ACAP3: variants seen among roughly 807,000 people sequenced by gnomAD.
ACAP3 encodes the protein arf-GAP with coiled-coil, ANK repeat and PH domain-containing protein 3.
In ACAP3, 56 loss-of-function variants were observed where a neutral mutation model predicts 104.1. That is an observed-to-expected ratio of 0.54 (90% CI 0.43 to 0.67). The LOEUF is 0.67. Among genes scored for constraint, ACAP3 ranks in the 30% least tolerant of loss-of-function variants. ACAP3 has a pLI of 0.00. For synonymous variants in ACAP3, 628 were observed against 496.2 expected (o/e 1.27, Z -3.53); for missense variants, 1,208 against 1,174.9 (o/e 1.03, Z -0.41).
At chr1:1,301,189 G>A (rs2100457462) in intron 5 of ACAP3, among the ~76,000 whole-genome samples, 1 of 151,192 alleles carries the variant, frequency 6.6e-6, no homozygotes. Flanking sequence ...TCCCACCTCG[G>A]CCTCCCAAGT....
chr1:1,306,753 G>T (rs1476967204), intron 1 of ACAP3, among the ~76,000 whole-genome samples: 2 of 152,222 alleles, frequency 1.3e-5, no homozygotes, highest in Non-Finnish European at 2.9e-5. Flanking sequence ...ACACATACAT[G>T]TGTGTTCAAG....
chr1:1,301,947 G>A lies in ACAP3; in HGVS notation c.338+41C>T, dbSNP rs367746560. The A allele has an allele frequency of 1.9e-4, 291 of 1,515,328 alleles. 1 individual carries two copies. The highest frequency in any genetic ancestry group is 1.1e-3 in the South Asian group (86 of 80,074). 93.9% of individuals were successfully genotyped at this position (1,515,328 alleles called of 1,614,324 possible). On this transcript the variant is annotated intron_variant, in intron 5 of 23. Coordinates refer to ENST00000354700, the MANE Select transcript of ACAP3 (RefSeq NM_030649.3). ...CCCCTTCCCCTCCAAGGGAGGGAGC[G>A]TGGCCTCAGTGTTCTTCCCCCAGCC...
intron 19 of ACAP3, 38 bp from the exon 20 acceptor site, chr1:1,294,854 G>T: frequency 6.5e-7 from 1 of 1,542,440 alleles, no homozygotes; most frequent in Non-Finnish European, 8.8e-7. Context: ...GAGGGTGGGA[G>T]GCCCAGACTC....
rs1468000364 is a variant in ACAP3, at chr1:1,296,421, C to A, written c.1337+4G>T. 1 of 1,545,902 alleles carries A rather than the reference C, an allele frequency of 6.5e-7. No homozygotes were observed. The highest frequency in any genetic ancestry group is 2.0e-5 in the Admixed American group (1 of 50,996). On this transcript the variant is annotated splice_donor_region_variant and intron_variant, in intron 15 of 23. Coordinates refer to ENST00000354700, the MANE Select transcript of ACAP3 (RefSeq NM_030649.3). ...CACCCCCAGCCTGGCCCTCAGGGGCCCACCTGTGGATGCCGGAGCACTCAA... is the reference window on the plus strand; with the variant it reads ...CACCCCCAGCCTGGCCCTCAGGGGCACACCTGTGGATGCCGGAGCACTCAA...
intron 1 of ACAP3, among the ~76,000 whole-genome samples, chr1:1,306,808 AAC>A (rs1426828624): frequency 1.3e-5 from 2 of 152,270 alleles, no homozygotes; most frequent in Non-Finnish European, 2.9e-5. Flanking sequence ...CTAGTGATGG[AAC>A]ACGCGTGTAC....
chr1:1,294,296 G>A (rs1008552775), intron 21 of ACAP3, 97 bp from the exon 22 acceptor site: 117 of 1,509,736 alleles, frequency 7.7e-5, no homozygotes, highest in Admixed American at 2.1e-5. Context: ...AGCCGGGACC[G>A]AACGTGGTCC....
Position 1,296,246 on chromosome 1 carries a change from G to T in ACAP3, c.1372C>A (p.Leu458Met). 1 of 1,563,430 alleles carries T rather than the reference G, an allele frequency of 6.4e-7. No homozygotes were observed. ...TCAGGCTCCCACGAGTCCAGCGTCAGGGACCGCACCTTGGAGCAGTGGACA... is the reference window on the plus strand; with the variant it reads ...TCAGGCTCCCACGAGTCCAGCGTCATGGACCGCACCTTGGAGCAGTGGACA... The part of the protein sequence containing the change: ...LGVHCSKVRS[L>M]TLDSWEPELL... Residue 458 changes from leucine (L) to methionine (M), a missense_variant, in exon 16 of 24, where the codon CTG becomes ATG. By Grantham distance (15) the Leu-to-Met change is conservative. Transcript: ENST00000354700.
chr1:1,299,816 G>A lies in ACAP3; in HGVS notation c.738+15C>T, dbSNP rs1641365597. ...CAGGCGCCTGGTGTGCAGGGAGCCG[G>A]CTGCGCGGCCTCACCCGCTGCTGGA... is the stretch of plus-strand genomic sequence containing the variant. On this transcript the variant is annotated intron_variant, in intron 9 of 23. Coordinates refer to ENST00000354700, the MANE Select transcript of ACAP3 (RefSeq NM_030649.3). 6.5e-7 allele frequency: 1 copy of A among 1,540,874 alleles called. No individual in the cohort carries two copies. Among genetic ancestry groups the A allele is most frequent in the South Asian group, 1.2e-5 (1 of 83,608 alleles).
chr1:1,307,465 C>A, intron 1 of ACAP3: 1 of 1,291,864 alleles, frequency 7.7e-7, no homozygotes, highest in Non-Finnish European at 1.0e-6. Flanking sequence ...GACTGCAGGG[C>A]CCGGGAGGGG....
At position 1,294,784 on chromosome 1, in the gene ACAP3, A is replaced by T. The variant is rs1319054059; in HGVS notation, c.1846T>A (p.Ser616Thr). ...GCCAGGACGTCCGAGCTGCCATCCG[A>T]GCTGCCCCCAAGGCCACTGTCGCTA... ...LSSDSGLGGSSDGSSDVLAFG... is the reference protein window; with the variant it reads ...LSSDSGLGGSTDGSSDVLAFG... Residue 616 changes from serine (S) to threonine (T), a missense_variant, in exon 20 of 24, where the codon TCG (serine) becomes ACG (threonine). Coordinates refer to ENST00000354700, the MANE Select transcript of ACAP3 (RefSeq NM_030649.3). The T allele has an allele frequency of 1.3e-6, 2 of 1,549,782 alleles. No homozygotes were observed. Among genetic ancestry groups the T allele is most frequent in the East Asian group, 4.9e-5 (2 of 40,882 alleles).
Position 1,298,040 on chromosome 1 carries a change from A to T in ACAP3, c.989T>A (p.Phe330Tyr), listed in dbSNP as rs772053984. Reference sequence around the variant, plus strand: ...GGTGGGTGACAGCACCTCGAAGCAGAACCTCCGCTCGATGTCCTCACACGG... The same window carrying T: ...GGTGGGTGACAGCACCTCGAAGCAGTACCTCCGCTCGATGTCCTCACACGG... ...VKPCEDIERR[F>Y]CFEVLSPTKS... The change falls in exon 13 of 24, where the codon TTC becomes TAC. Residue 330 changes from phenylalanine (F) to tyrosine (Y), a missense_variant. By Grantham distance (22) the Phe-to-Tyr change is conservative. Coordinates refer to ENST00000354700, the MANE Select transcript of ACAP3 (RefSeq NM_030649.3). 2 of 1,611,792 alleles carry T rather than the reference A, an allele frequency of 1.2e-6. No individual in the cohort carries two copies. The highest frequency in any genetic ancestry group is 3.3e-5 in the Admixed American group (2 of 59,940).
intron 19 of ACAP3, chr1:1,295,091 T>G (rs1283256672): frequency 1.1e-5 from 6 of 556,480 alleles, no homozygotes; most frequent in Non-Finnish European, 1.9e-5. Context: ...CCCCCCGCAG[T>G]GGGCCCCCCA....
chr1:1,301,426 ATTTT>A (rs70949569), intron 5 of ACAP3: 5 of 109,990 alleles, frequency 4.5e-5, no homozygotes, highest in African/African-American at 7.6e-5. Context: ...TGCCCATCTA[ATTTT>A]TTTTTTTTTT....
rs1641559898 is a variant in ACAP3 at position 1,303,809 on chromosome 1, G to C, written c.105+277C>G. ...CACAGCAGCTGTCCCCGTGTCACCA[G>C]CCCAGCAGAGGGGACGGGCAGCCAC... is the stretch of plus-strand genomic sequence containing the variant. On this transcript the variant is annotated intron_variant, in intron 2 of 23. Coordinates refer to ENST00000354700, the MANE Select transcript of ACAP3 (RefSeq NM_030649.3). This position sits in a 1 kb window ranked among gnomAD's most constrained non-coding sequence, Gnocchi z 4.0. 2 of 543,122 alleles carry C rather than the reference G, an allele frequency of 3.7e-6. No individual in the cohort carries two copies. Among genetic ancestry groups the C allele is most frequent in the Non-Finnish European group, 6.6e-6 (2 of 303,220 alleles). 33.6% of individuals were successfully genotyped at this position (543,122 alleles called of 1,614,324 possible).
intron 5 of ACAP3, chr1:1,301,765 G>A (rs1025241717): frequency 2.7e-5 from 11 of 402,984 alleles, no homozygotes; most frequent in Non-Finnish European, 4.4e-5. Context: ...ACGTGGACTG[G>A]ACCTCTCTGC....
In ACAP3 at chr1:1,297,869, T is replaced by C. The variant is rs1641261055; in HGVS notation, c.1081A>G (p.Ser361Gly). The change falls in exon 14 of 24, where the codon AGC becomes GGC. Residue 361 changes from serine to glycine, a missense_variant. Coordinates refer to ENST00000354700, the MANE Select transcript of ACAP3 (RefSeq NM_030649.3). ...RQAWVQAVQASIASAYRESPD... is the reference protein window; with the variant it reads ...RQAWVQAVQAGIASAYRESPD... ...CTCTCGCGGTAGGCGGAGGCGATGC[T>C]GGCCTGCACAGCCTGGACCCAGGCT... The C allele has an allele frequency of 2.5e-6, 4 of 1,611,898 alleles. No individual in the cohort carries two copies. The highest frequency in any genetic ancestry group is 3.4e-6 in the Non-Finnish European group (4 of 1,179,464).
chr1:1,303,596 C>T lies in ACAP3; in HGVS notation c.106-315G>A, dbSNP rs911996746. ...TGGATAAGGCTGCCCACTCCCAGCT[C>T]CACGGCCTGTTGCCCCCTCCTCTTT... On this transcript the variant is annotated intron_variant, in intron 2 of 23. Coordinates refer to ENST00000354700, the MANE Select transcript of ACAP3 (RefSeq NM_030649.3). This position sits in a 1 kb window ranked among gnomAD's most constrained non-coding sequence, Gnocchi z 4.0. 8.2e-6 allele frequency: 4 copies of T among 487,054 alleles called. No homozygotes were observed. The highest frequency in any genetic ancestry group is 1.5e-5 in the Non-Finnish European group (4 of 270,558). 30.2% of individuals were successfully genotyped at this position (487,054 alleles called of 1,614,324 possible).
Position 1,303,085 on chromosome 1 carries a change from G to A in ACAP3, c.225+77C>T. 5 of 1,552,592 alleles carry A rather than the reference G, an allele frequency of 3.2e-6. No homozygotes were observed. The South Asian group carries it at 3.6e-5, about 11-fold the overall frequency. On this transcript the variant is annotated intron_variant, in intron 3 of 23. Coordinates refer to ENST00000354700, the MANE Select transcript of ACAP3 (RefSeq NM_030649.3). This position sits in a 1 kb window ranked among gnomAD's most constrained non-coding sequence, Gnocchi z 4.0. Reference sequence around the variant, plus strand: ...GCAGACACCGGCCTGCTTCTGGCCTGGACGCCCTCAAGGGGCTGCCTCCCT... The same window carrying A: ...GCAGACACCGGCCTGCTTCTGGCCTAGACGCCCTCAAGGGGCTGCCTCCCT...
Position 1,295,803 on chromosome 1 carries a change from G to A in ACAP3, c.1638C>T (p.Arg546=), listed in dbSNP as rs765167564. Residue 546 remains arginine (R), a synonymous_variant, in exon 18 of 24, where the codon CGC becomes CGT. Transcript: ENST00000354700. ...QKCLRPHSSP[R]APTARRKVRL... is the part of the protein sequence containing the mutation. ...GGACCTTGCGGCGGGCAGTGGGAGC[G>A]CGGGGAGAGCTGTGGGGCCGCAGGC... is the stretch of plus-strand genomic sequence containing the variant. The A allele has an allele frequency of 9.3e-6, 15 of 1,609,824 alleles. No homozygotes were observed. Among genetic ancestry groups the A allele is most frequent in the Non-Finnish European group, 1.1e-5 (13 of 1,179,834 alleles).
Sources: gnomAD v4.1 joint callset for allele counts (sites outside exome capture counted in the v4.1 genomes callset) on GRCh38, gnomAD v4.1.1 for gene constraint, Gnocchi (gnomAD v3.1) non-coding constraint, MANE v1.5 for transcripts, NCBI Gene and HGNC (gene_info 2026-07-23, HGNC 2026-07-21) for gene names.